The following INTS8 variants were observed in gnomAD, a reference collection of about 807,000 sequenced individuals.
INTS8 encodes integrator complex subunit 8.
A neutral mutation model predicts 138.9 loss-of-function variants in INTS8; 47 were observed. The ratio of observed to expected loss-of-function variants is 0.34; its 90% CI spans 0.27 to 0.43. The LOEUF is 0.43. INTS8 is among the 20% of genes least tolerant of loss of function. The pLI, the probability that INTS8 is intolerant of heterozygous loss-of-function variation, is 1.00. For synonymous variants in INTS8, 392 were observed against 400.9 expected (o/e 0.98, Z 0.27); for missense variants, 996 against 1,173.0 (o/e 0.85, Z 2.20).
In INTS8 at chr8:94,849,971, G is replaced by T; in HGVS notation, c.1387G>T (p.Glu463Ter). ...GTATGTTTTCATGATTTCTTCACAT[G>T]AGCTTTTCATTACATTGTTGAAAGA... is the stretch of plus-strand genomic sequence containing the variant. ...LQYVFMISSH[E>*]LFITLLKDEE... is the part of the protein sequence containing the mutation. The change falls in exon 12 of 27, where the codon GAG (glutamate) becomes TAG (stop). Residue 463 changes from glutamate (E) to a stop codon, truncating the protein, a stop_gained. Coordinates refer to ENST00000523731, the MANE Select transcript of INTS8 (RefSeq NM_017864.4). LOFTEE classifies it high-confidence loss of function. 6.2e-7 allele frequency: 1 copy of T among 1,612,836 alleles called. No homozygotes were observed. Among genetic ancestry groups the T allele is most frequent in the Non-Finnish European group, 8.5e-7 (1 of 1,179,148 alleles).
chr8:94,860,579 CAA>C (rs58945163), intron 16 of INTS8, among the ~76,000 whole-genome samples: 21 of 39,446 alleles, frequency 5.3e-4, no homozygotes, highest in East Asian at 8.3e-4. Context: ...AACTCTACCT[CAA>C]AAAAAAAAAA....
intron 15 of INTS8, 116 bp from the exon 16 acceptor site, chr8:94,859,395 T>G: frequency 2.1e-5 from 21 of 991,550 alleles, no homozygotes; most frequent in Non-Finnish European, 2.8e-5. Context: ...ATTACAGGTG[T>G]GAGCCACCAT....
chr8:94,838,307 C>T (rs1815008368), intron 7 of INTS8, among the ~76,000 whole-genome samples, 156 bp from the exon 8 acceptor site: 1 of 152,186 alleles, frequency 6.6e-6, no homozygotes, highest in South Asian at 2.1e-4. Context: ...GTCTCGGCCT[C>T]CCAAAGTGCT....
intron 11 of INTS8, 60 bp from the exon 12 acceptor site, chr8:94,849,856 T>C: frequency 2.3e-6 from 3 of 1,278,518 alleles, no homozygotes; most frequent in Non-Finnish European, 2.1e-6. Flanking sequence ...GTTGATATGA[T>C]TGTTTTTCTC....
chr8:94,838,116 G>T (rs944551594), intron 7 of INTS8, among the ~76,000 whole-genome samples: 9 of 148,494 alleles, frequency 6.1e-5, no homozygotes, highest in African/African-American at 2.0e-4. Context: ...GCGCCTTCTC[G>T]GCTCACTGCA....
At position 94,856,762 on chromosome 8, in the gene INTS8, T is replaced by C. The variant is rs778723766; in HGVS notation, c.1753-15T>C. 2 of 1,612,942 alleles carry C rather than the reference T, an allele frequency of 1.2e-6. No homozygotes were observed. The highest frequency in any genetic ancestry group is 3.3e-5 in the Admixed American group (2 of 59,936). ...AAAGGAAAGGTGACCCAGGCTATTC[T>C]TTTTCTTTTCATAGGACTTTTCCCA... On this transcript the variant is annotated splice_polypyrimidine_tract_variant and intron_variant, in intron 14 of 26. Transcript: ENST00000523731.
At chr8:94,856,443 T>A (rs530828456) in intron 14 of INTS8, among the ~76,000 whole-genome samples, 11 of 152,348 alleles carry the variant, frequency 7.2e-5, no homozygotes, top group African/African-American at 2.2e-4. Flanking sequence ...AAGGTCTAAT[T>A]CTGAATATGT....
In INTS8 at chr8:94,853,725, T is replaced by G. The variant is rs1200428635; in HGVS notation, c.1642-80T>G. On this transcript the variant is annotated intron_variant, in intron 13 of 26. Transcript: ENST00000523731. ...GTGAGTTATTTGTTTTAAATGCGAT[T>G]GAAGATTGTTGAAAGATTCTTATCT... The G allele has an allele frequency of 5.3e-6, 4 of 758,748 alleles. No individual in the cohort carries two copies. In the East Asian group the frequency reaches 1.0e-4, roughly 19 times the overall value. 47.0% of individuals were successfully genotyped at this position (758,748 alleles called of 1,614,324 possible).
At chr8:94,846,707 G>A (rs1815345704) in intron 10 of INTS8, among the ~76,000 whole-genome samples, 1 of 152,174 alleles carries the variant, frequency 6.6e-6, no homozygotes, top group South Asian at 2.1e-4. Flanking sequence ...TTAGAATGAT[G>A]TTTATTGTAG....
At chr8:94,856,717 G>T (rs2131042023) in intron 14 of INTS8, 60 bp from the exon 15 acceptor site, 1 of 1,382,988 alleles carries the variant, frequency 7.2e-7, no homozygotes, top group South Asian at 1.2e-5. Context: ...TCAACATAAA[G>T]GCACACATTT....
intron 16 of INTS8, among the ~76,000 whole-genome samples, chr8:94,861,446 G>A (rs1352464481): frequency 3.3e-5 from 5 of 151,158 alleles, no homozygotes; most frequent in Non-Finnish European, 4.4e-5. Context: ...TATTTTTAGT[G>A]GTGACGGGGT....
intron 7 of INTS8, 52 bp downstream of exon 7, chr8:94,836,683 A>G (rs1364736120): frequency 3.5e-6 from 4 of 1,147,500 alleles, no homozygotes; most frequent in Middle Eastern, 2.0e-4. Flanking sequence ...AAACATCTAT[A>G]CATTTTTTTG....
intron 26 of INTS8, among the ~76,000 whole-genome samples, chr8:94,878,909 T>G (rs527666279): frequency 2.6e-5 from 4 of 152,352 alleles, no homozygotes; most frequent in African/African-American, 9.6e-5. Flanking sequence ...CCTTTTTGTT[T>G]TGGGTGTCTC....
Position 94,839,474 on chromosome 8 carries a change from A to G in INTS8, c.1017+856A>G, listed in dbSNP as rs554037887. On this transcript the variant is annotated intron_variant, in intron 8 of 26. Coordinates refer to ENST00000523731, the MANE Select transcript of INTS8 (RefSeq NM_017864.4). ...CTTAGTTTTGTGTCTCCAATTGGGTATTATTCCAGCTTTATAGTTCTCTTA... is the reference window on the plus strand; with the variant it reads ...CTTAGTTTTGTGTCTCCAATTGGGTGTTATTCCAGCTTTATAGTTCTCTTA... Among the ~76,000 whole-genome samples the G allele has an allele frequency of 8.5e-5, 13 of 152,332 alleles. No homozygotes were observed. In the South Asian group the frequency reaches 1.7e-3, roughly 19 times the overall value.
intron 21 of INTS8, 48 bp from the exon 22 acceptor site, chr8:94,873,326 T>C (rs1816464100): frequency 7.6e-7 from 1 of 1,314,724 alleles, no homozygotes; most frequent in Non-Finnish European, 1.1e-6. Context: ...GGAATCCCTG[T>C]TTTTCAACTG....
rs1563636903 is a variant in INTS8, at chr8:94,824,795, CCA to C, written c.131-96_131-95del. 3.1e-3 allele frequency: 213 copies of C among 68,170 alleles called. 10 individuals are homozygous for C. The highest frequency in any genetic ancestry group is 0.017 in the Middle Eastern group (1 of 58). The allele number at this position is 68,170 out of a possible 1,614,324, so 4.2% of individuals were successfully genotyped here. A position where few individuals can be genotyped will look rare whatever the true frequency, so the allele number is the denominator to read the frequency against. On this transcript the variant is annotated intron_variant, in intron 1 of 26. Transcript: ENST00000523731. ...AAAAAAACCCAAACTCCCCCCCCCC[CCA>C]CCCACCCCCCCAAAAAAACCAAACC...
At chr8:94,842,239 C>T in intron 9 of INTS8, 108 bp from the exon 10 acceptor site, 2 of 635,094 alleles carry the variant, frequency 3.1e-6, no homozygotes, top group Non-Finnish European at 5.0e-6. Flanking sequence ...ATTCTAAAAT[C>T]TTACCTCTTA....
At chr8:94,852,846 G>A (rs1815599126) in intron 13 of INTS8, among the ~76,000 whole-genome samples, 1 of 152,028 alleles carries the variant, frequency 6.6e-6, no homozygotes, top group Non-Finnish European at 1.5e-5. Context: ...GACCTCAGGT[G>A]ATCTGCCTGC....
chr8:94,838,145 G>A lies in INTS8; in HGVS notation c.862-318G>A, dbSNP rs550754178. On this transcript the variant is annotated intron_variant, in intron 7 of 26. Transcript: ENST00000523731. ...CACTGCAACCTCCACCTCTCCTCCC[G>A]GGCTCAAGCCATTCTCCTACCTCAG... Among the ~76,000 whole-genome samples the A allele has an allele frequency of 6.5e-4, 98 of 150,436 alleles. 1 individual carries two copies. The highest frequency in any genetic ancestry group is 2.3e-3 in the African/African-American group (93 of 40,944).
Sources: gnomAD v4.1 joint callset for allele counts (sites outside exome capture counted in the v4.1 genomes callset) on GRCh38, gnomAD v4.1.1 for gene constraint, MANE v1.5 for transcripts, NCBI Gene and HGNC (gene_info 2026-07-23, HGNC 2026-07-21) for gene names.